The following KANK2 variants were observed in gnomAD, a reference collection of about 807,000 sequenced individuals.
KANK2 encodes the protein KN motif and ankyrin repeat domain-containing protein 2.
A neutral mutation model predicts 74.6 loss-of-function variants in KANK2; 41 were observed. The ratio of observed to expected loss-of-function variants is 0.55; its 90% CI spans 0.43 to 0.71. The LOEUF (loss-of-function observed/expected upper bound fraction) is 0.71, where lower values mean the gene tolerates loss of function less well. Ranked by LOEUF, KANK2 falls within the 30% of genes least tolerant of loss-of-function variation. The probability of loss-of-function intolerance (pLI) is 0.00; values close to 1 mark genes in which losing one functional copy is unlikely to be tolerated. For missense variants in KANK2, 1,148 were observed against 1,196.4 expected (o/e 0.96, Z 0.60); for synonymous variants, 537 against 519.0 (o/e 1.03, Z -0.47).
chr19:11,188,919 AG>A (rs2078754972), intron 4 of KANK2, among the ~76,000 whole-genome samples: 1 of 149,844 alleles, frequency 6.7e-6, no homozygotes, highest in African/African-American at 2.5e-5. Flanking sequence ...CAGGAGGTGG[AG>A]GTTGCAGTGA....
chr19:11,176,113 C>T, intron 7 of KANK2, 124 bp from the exon 8 acceptor site: 1 of 684,492 alleles, frequency 1.5e-6, no homozygotes, highest in South Asian at 2.0e-5. Context: ...TCAGACCCTC[C>T]TTCACCCGGG....
intron 6 of KANK2, among the ~76,000 whole-genome samples, chr19:11,177,341 T>C (rs532895870): frequency 6.6e-6 from 1 of 151,762 alleles, no homozygotes; most frequent in Non-Finnish European, 1.5e-5. Flanking sequence ...GTGTGAGCCA[T>C]TGCGCACAGC....
At chr19:11,178,274 G>A (rs2078401995) in intron 6 of KANK2, 71 bp downstream of exon 6, 1 of 1,206,706 alleles carries the variant, frequency 8.3e-7, no homozygotes, top group African/African-American at 1.7e-5. Context: ...GTAATTAGGA[G>A]GCTCTCGTGC....
At chr19:11,181,236 TTTATTATTA>T (rs200654235) in intron 4 of KANK2, among the ~76,000 whole-genome samples, 30 of 148,072 alleles carry the variant, frequency 2.0e-4, no homozygotes, top group East Asian at 5.9e-4. Context: ...GTTGTCAAGA[TTTATTATTA>T]TTATTATTAT....
At chr19:11,187,445 A>G (rs190255951) in intron 4 of KANK2, among the ~76,000 whole-genome samples, 33 of 152,014 alleles carry the variant, frequency 2.2e-4, no homozygotes, top group African/African-American at 7.5e-4. Context: ...GGACACTCAA[A>G]TGTCTAAATA....
At chr19:11,194,934 C>A (rs1375982058) in intron 2 of KANK2, 1 of 172,900 alleles carries the variant, frequency 5.8e-6, no homozygotes, top group Non-Finnish European at 1.3e-5. Flanking sequence ...TCAGCCCAGG[C>A]CCGGAGCTGG....
chr19:11,189,176 C>T (rs1386544301), intron 4 of KANK2, among the ~76,000 whole-genome samples: 2 of 142,250 alleles, frequency 1.4e-5, no homozygotes, highest in South Asian at 2.3e-4. Context: ...ACTGTAGCCT[C>T]GACCCCCTGG....
rs201031064 is a variant in KANK2 at position 11,192,969 on chromosome 19, C to G, written c.1111G>C (p.Gly371Arg). The change falls in exon 4 of 13, where the codon GGT becomes CGT. Residue 371 changes from glycine to arginine, a missense_variant. By Grantham distance (125) the Gly-to-Arg change is moderately radical. Transcript: ENST00000586659. ...AACACAGGTGGGCTCTCAGGCCTAC[C>G]AGGCATTGCCAGGGCCCTCAGCCCT... Reference protein sequence around the residue: ...GTGLRALAMPGRPESPPVFRS... With the variant: ...GTGLRALAMPRRPESPPVFRS... 1 of 1,613,974 alleles carries G rather than the reference C, an allele frequency of 6.2e-7. No individual in the cohort carries two copies. The highest frequency in any genetic ancestry group is 1.3e-5 in the African/African-American group (1 of 74,946).
At chr19:11,172,907 G>A (rs2078217340) in intron 10 of KANK2, 74 bp downstream of exon 10, 6 of 1,527,672 alleles carry the variant, frequency 3.9e-6, no homozygotes, top group Non-Finnish European at 5.4e-6. Context: ...ACCTGGGTTT[G>A]GGCCTGTCAC....
chr19:11,194,264 C>CT (rs2078951987), intron 3 of KANK2, among the ~76,000 whole-genome samples: 1 of 152,052 alleles, frequency 6.6e-6, no homozygotes, highest in South Asian at 2.1e-4. Flanking sequence ...GGACAGGGCT[C>CT]TATCCCTCGG....
rs910324392 is a variant in KANK2 at position 11,197,483 on chromosome 19, G to C, written c.-279+2C>G. ...CCCTACCCAGCCCCGGGTCCCACTC[G>C]CCTTGCGCGCTCCGGCCGCTGCCTT... On this transcript the variant is annotated splice_donor_variant, in intron 1 of 12. Transcript: ENST00000586659. LOFTEE classifies it low-confidence loss of function (5UTR_SPLICE). 8 of 152,098 alleles carry C rather than the reference G, an allele frequency of 5.3e-5. No homozygotes were observed. The highest frequency in any genetic ancestry group is 1.2e-4 in the Non-Finnish European group (8 of 68,076). 9.4% of individuals were successfully genotyped at this position (152,098 alleles called of 1,614,324 possible). A position where few individuals can be genotyped will look rare whatever the true frequency, so the allele number is the denominator to read the frequency against.
At chr19:11,175,864 C>G (rs371300343) in intron 8 of KANK2, 38 bp downstream of exon 8, 2 of 1,548,064 alleles carry the variant, frequency 1.3e-6, no homozygotes, top group African/African-American at 1.4e-5. Context: ...GGTAGGGGTC[C>G]GGGGGGTGGC....
chr19:11,189,032 G>A (rs2147574961), intron 4 of KANK2, among the ~76,000 whole-genome samples: 1 of 150,962 alleles, frequency 6.6e-6, no homozygotes, highest in African/African-American at 2.4e-5. Context: ...GCCAAGAGCT[G>A]ACCTTGGGCA....
At chr19:11,178,283 G>T in intron 6 of KANK2, 62 bp downstream of exon 6, 2 of 1,192,480 alleles carry the variant, frequency 1.7e-6, no homozygotes, top group Non-Finnish European at 2.1e-6. Context: ...AGGCTCTCGT[G>T]CGTGGATGAA....
In KANK2 at chr19:11,174,613, C is replaced by T. The variant is rs373772224; in HGVS notation, c.1928G>A (p.Arg643Gln). Reference sequence around the variant, plus strand: ...CATGGCCCGGAACGTGACCAGGTGCCGCCGCACCAGCTCGGGGTGTGCGTC... The same window carrying T: ...CATGGCCCGGAACGTGACCAGGTGCTGCCGCACCAGCTCGGGGTGTGCGTC... ...RSDAHPELVR[R>Q]HLVTFRAMSA... The change falls in exon 9 of 13, where the codon CGG becomes CAG. Residue 643 changes from arginine (R) to glutamine (Q), a missense_variant. By Grantham distance (43) the Arg-to-Gln change is conservative. Coordinates refer to ENST00000586659, the MANE Select transcript of KANK2 (RefSeq NM_001136191.3). 22 of 1,612,590 alleles carry T rather than the reference C, an allele frequency of 1.4e-5. No homozygotes were observed. Among genetic ancestry groups the T allele is most frequent in the Admixed American group, 3.3e-5 (2 of 59,940 alleles).
At position 11,193,699 on chromosome 19, in the gene KANK2, C is replaced by T. The variant is rs937097584; in HGVS notation, c.381G>A (p.Thr127=). The T allele has an allele frequency of 5.0e-6, 8 of 1,611,284 alleles. No individual in the cohort carries two copies. The African/African-American group carries it at 6.7e-5, about 13-fold the overall frequency. Residue 127 remains threonine, a synonymous_variant, in exon 4 of 13, where the codon ACG becomes ACA. Coordinates refer to ENST00000586659, the MANE Select transcript of KANK2 (RefSeq NM_001136191.3). This position sits in a 1 kb window ranked among gnomAD's most constrained non-coding sequence, Gnocchi z 9.6. ...CGAGACGGCGACGGGCATCCAGCAG[C>T]GTGCGCTCCACCCGCGGATTGAAGC... ...RGGFNPRVER[T]LLDARRRLED...
chr19:11,172,916 A>G, intron 10 of KANK2, 65 bp downstream of exon 10: 3 of 1,560,948 alleles, frequency 1.9e-6, no homozygotes, highest in Non-Finnish European at 2.6e-6. Context: ...TGGGCCTGTC[A>G]CTCAGCTGGG....
Position 11,169,908 on chromosome 19 carries a change from A to C in KANK2, c.2471T>G (p.Met824Arg). 3 of 1,614,166 alleles carry C rather than the reference A, an allele frequency of 1.9e-6. No individual in the cohort carries two copies. Among genetic ancestry groups the C allele is most frequent in the Non-Finnish European group, 2.5e-6 (3 of 1,180,016 alleles). ...CTTGATGTTCATGCGGGAATACAGC[A>C]TGGACGCAATCTCACTCTGCCCTGC... ...LDAGQSEIAS[M>R]LYSRMNIKCS... is the part of the protein sequence containing the mutation. The change falls in exon 12 of 13, where the codon ATG (methionine) becomes AGG (arginine). Residue 824 changes from methionine (M) to arginine (R), a missense_variant. Physicochemically the swap from Met to Arg is moderately conservative, Grantham distance 91. Coordinates refer to ENST00000586659, the MANE Select transcript of KANK2 (RefSeq NM_001136191.3).
At position 11,194,477 on chromosome 19, in the gene KANK2, G is replaced by A; in HGVS notation, c.35C>T (p.Pro12Leu). 6.2e-7 allele frequency: 1 copy of A among 1,611,688 alleles called. No individual in the cohort carries two copies. The highest frequency in any genetic ancestry group is 8.5e-7 in the Non-Finnish European group (1 of 1,179,048). The part of the protein sequence containing the change: ...AQVLHVPAPF[P>L]GTPGPASPPA... ...CCCTCTTCCCTGAGTCCCCTGACCTGGGAAGGGAGCAGGCACGTGCAGGAC... is the reference window on the plus strand; with the variant it reads ...CCCTCTTCCCTGAGTCCCCTGACCTAGGAAGGGAGCAGGCACGTGCAGGAC... Residue 12 changes from proline (P) to leucine (L), a missense_variant and splice_region_variant, in exon 3 of 13, where the codon CCA (proline) becomes CTA (leucine). Coordinates refer to ENST00000586659, the MANE Select transcript of KANK2 (RefSeq NM_001136191.3).
Sources: allele counts gnomAD v4.1 joint callset (sites outside exome capture counted in the v4.1 genomes callset), GRCh38; gene constraint gnomAD v4.1.1; non-coding constraint Gnocchi (gnomAD v3.1); transcripts MANE v1.5; gene names NCBI Gene and HGNC (gene_info 2026-07-23, HGNC 2026-07-21).